Variants in GRIK4 observed in about 807,000 individuals in gnomAD.
GRIK4 encodes glutamate ionotropic receptor kainate type subunit 4.
A neutral mutation model predicts 104.9 loss-of-function variants in GRIK4; 40 were observed. That is an observed-to-expected ratio of 0.38 (90% CI 0.30 to 0.50). The LOEUF (loss-of-function observed/expected upper bound fraction) is 0.50. GRIK4 is among the 20% of genes least tolerant of loss of function. GRIK4 has a pLI of 0.93. For missense variants in GRIK4, 1,047 were observed against 1,308.1 expected (o/e 0.80, Z 3.08); for synonymous variants, 485 against 524.9 (o/e 0.92, Z 1.04).
chr11:120,737,711 C>A (rs1016079508), intron 3 of GRIK4, among the ~76,000 whole-genome samples: 2 of 151,898 alleles, frequency 1.3e-5, no homozygotes, highest in African/African-American at 4.8e-5. Flanking sequence ...AAAAAAACCA[C>A]AAGGAAGTGA....
intron 13 of GRIK4, among the ~76,000 whole-genome samples, chr11:120,934,480 G>C (rs1476838109): frequency 6.6e-6 from 1 of 152,140 alleles, no homozygotes; most frequent in Non-Finnish European, 1.5e-5. Context: ...TCCCAGCCAG[G>C]CTCATGTCCC....
Position 120,986,092 on chromosome 11 carries a change from C to A in GRIK4, c.2703C>A (p.Leu901=). The A allele has an allele frequency of 1.3e-6, 2 of 1,511,588 alleles. No individual in the cohort carries two copies. Among genetic ancestry groups the A allele is most frequent in the Admixed American group, 2.1e-5 (1 of 47,432 alleles). The allele number at this position is 1,511,588 out of a possible 1,614,324, so 93.6% of individuals were successfully genotyped here. A position where few individuals can be genotyped will look rare whatever the true frequency, so the allele number is the denominator to read the frequency against. ...GCGGGGCAGGGGAGCCCGACCAGCT[C>A]GCGCAGAGACTGGCGCAGGAGGCCG... The part of the protein sequence containing the change: ...KLCGAGEPDQ[L]AQRLAQEAAL... Residue 901 remains leucine (L), a synonymous_variant, in exon 21 of 21, where the codon CTC becomes CTA. Transcript: ENST00000527524.
At chr11:120,792,559 A>G (rs1166984633) in intron 3 of GRIK4, among the ~76,000 whole-genome samples, 1 of 152,012 alleles carries the variant, frequency 6.6e-6, no homozygotes, top group Admixed American at 6.6e-5. Flanking sequence ...AGATGAAAGG[A>G]CCGAAGTAGG....
At position 120,987,339 on chromosome 11, in the gene GRIK4, C is replaced by T. The variant is rs1250849972; in HGVS notation, c.*1079C>T. On this transcript the variant is annotated 3_prime_UTR_variant, in exon 21 of 21. Transcript: ENST00000527524. ...GGTGCATACTTTGTCAACTGCATCT[C>T]TTTTCAACCAAACTCAAATGAGTGG... The T allele has an allele frequency of 1.3e-5, 2 of 152,280 alleles. No individual in the cohort carries two copies. The highest frequency in any genetic ancestry group is 3.9e-4 in the East Asian group (2 of 5,192). 9.4% of individuals were successfully genotyped at this position (152,280 alleles called of 1,614,324 possible).
At chr11:120,912,089 A>C (rs1056676903) in intron 13 of GRIK4, among the ~76,000 whole-genome samples, 2 of 152,280 alleles carry the variant, frequency 1.3e-5, no homozygotes, top group Non-Finnish European at 1.5e-5. Context: ...AAAACTATTT[A>C]ATAGAGAAAT....
In GRIK4 at chr11:120,623,437, G is replaced by A. The variant is rs556772832; in HGVS notation, c.-158-30248G>A. 1.1e-4 allele frequency among the ~76,000 whole-genome samples: 16 copies of A among 152,076 alleles called. No individual in the cohort carries two copies. In the East Asian group the frequency reaches 2.9e-3, roughly 28 times the overall value. ...TGTGAACCACCGCACCCGGCCCCCT[G>A]TACTCTTTAGGTGTGACCCCATCGG... On this transcript the variant is annotated intron_variant, in intron 1 of 20. Coordinates refer to ENST00000527524, the MANE Select transcript of GRIK4 (RefSeq NM_014619.5).
chr11:120,957,027 C>G (rs1396152675), intron 16 of GRIK4, 74 bp downstream of exon 16: 5 of 1,292,578 alleles, frequency 3.9e-6, no homozygotes, highest in African/African-American at 1.5e-5. Context: ...TAAGCCGGCT[C>G]TAGCTTCTAG....
At chr11:120,584,305 C>T (rs1948628232) in intron 1 of GRIK4, among the ~76,000 whole-genome samples, 1 of 152,164 alleles carries the variant, frequency 6.6e-6, no homozygotes, top group African/African-American at 2.4e-5. Context: ...GCCATTCTTG[C>T]ATTGCTATAA....
intron 3 of GRIK4, among the ~76,000 whole-genome samples, chr11:120,741,712 A>G (rs1419875938): frequency 6.6e-6 from 1 of 152,364 alleles, no homozygotes; most frequent in African/African-American, 2.4e-5. Context: ...CAGGTTAAAT[A>G]TAAAATGCCT....
intron 4 of GRIK4, among the ~76,000 whole-genome samples, chr11:120,809,219 G>A (rs1565365284): frequency 1.3e-5 from 2 of 152,162 alleles, no homozygotes. Context: ...CCAATCCATT[G>A]CCAGTGCTGA....
intron 1 of GRIK4, among the ~76,000 whole-genome samples, chr11:120,595,811 C>A (rs1189009246): frequency 6.6e-6 from 1 of 152,190 alleles, no homozygotes; most frequent in Admixed American, 6.5e-5. Context: ...AGAGCACCTC[C>A]CAGTCTGCAC....
chr11:120,915,569 A>T (rs1340047189), intron 13 of GRIK4, among the ~76,000 whole-genome samples: 1 of 151,936 alleles, frequency 6.6e-6, no homozygotes, highest in East Asian at 1.9e-4. Context: ...GTGCGAGCCC[A>T]GCCAATGCCC....
chr11:120,937,036 C>CT (rs1034167988), intron 13 of GRIK4, among the ~76,000 whole-genome samples: 18 of 152,016 alleles, frequency 1.2e-4, no homozygotes, highest in African/African-American at 4.1e-4. Context: ...AGCATAATGT[C>CT]TTTTTTTTGT....
chr11:120,570,888 T>G (rs573712066), intron 1 of GRIK4, among the ~76,000 whole-genome samples: 1 of 152,376 alleles, frequency 6.6e-6, no homozygotes, highest in East Asian at 1.9e-4. Context: ...GAATATTATT[T>G]ACAACTATTG....
intron 19 of GRIK4, among the ~76,000 whole-genome samples, chr11:120,980,946 G>A (rs2134796340): frequency 6.6e-6 from 1 of 152,302 alleles, no homozygotes. Flanking sequence ...TTTCCAAGGT[G>A]CAGAAGGTAG....
At chr11:120,926,458 C>T (rs1312653577) in intron 13 of GRIK4, among the ~76,000 whole-genome samples, 2 of 152,164 alleles carry the variant, frequency 1.3e-5, no homozygotes, top group African/African-American at 2.4e-5. Flanking sequence ...AATTTAACCT[C>T]CCCAACATAC....
intron 3 of GRIK4, among the ~76,000 whole-genome samples, chr11:120,757,283 G>A (rs1267997522): frequency 6.6e-6 from 1 of 152,244 alleles, no homozygotes; most frequent in Non-Finnish European, 1.5e-5. Flanking sequence ...CTGCCTTGGG[G>A]CGTCCAGAAG....
rs67824241 is a variant in GRIK4, at chr11:120,837,681, C to CT, written c.744+850dup. ...AACATAAAACAGATGAACTTGTTTC[C>CT]TTTTTTTTTTTTTAACCTAACACTG... is the stretch of plus-strand genomic sequence containing the variant. On this transcript the variant is annotated intron_variant, in intron 8 of 20. Transcript: ENST00000527524. Among the ~76,000 whole-genome samples, 167 of 146,050 alleles carry CT rather than the reference C, an allele frequency of 1.1e-3. 1 individual carries two copies. The highest frequency in any genetic ancestry group is 7.0e-3 in the East Asian group (35 of 5,032).
chr11:120,748,422 G>A (rs889230254), intron 3 of GRIK4, among the ~76,000 whole-genome samples: 1 of 152,082 alleles, frequency 6.6e-6, no homozygotes, highest in Admixed American at 6.6e-5. Flanking sequence ...GGGGAGATGA[G>A]AGTAGGGTGC....
Sources: gnomAD v4.1 joint callset for allele counts (sites outside exome capture counted in the v4.1 genomes callset) on GRCh38, gnomAD v4.1.1 for gene constraint, MANE v1.5 for transcripts, NCBI Gene and HGNC (gene_info 2026-07-23, HGNC 2026-07-21) for gene names.